Variants in ERICH4 observed in about 807,000 individuals in gnomAD.
ERICH4 encodes glutamate rich 4, also known as glutamate-rich protein 4.
A neutral mutation model predicts 5.2 loss-of-function variants in ERICH4; 4 were observed. The observed-to-expected ratio is 0.77, with a 90% CI of 0.38 to 1.76. The LOEUF is 1.76. Among genes scored for constraint, ERICH4 ranks in the 40% most tolerant of loss-of-function variants. The pLI, the probability that ERICH4 is intolerant of heterozygous loss-of-function variation, is 0.04. For synonymous variants in ERICH4, 75 were observed against 68.7 expected (o/e 1.09, Z -0.45); for missense variants, 164 against 159.8 (o/e 1.03, Z -0.14).
Position 41,444,140 on chromosome 19 carries a change from T to A in ERICH4, c.309T>A (p.Asp103Glu), listed in dbSNP as rs1555773568. 1 of 1,551,276 alleles carries A rather than the reference T, an allele frequency of 6.4e-7. No homozygotes were observed. Among genetic ancestry groups the A allele is most frequent in the South Asian group, 1.2e-5 (1 of 84,018 alleles). The change falls in exon 2 of 2, where the codon GAT (aspartate) becomes GAA (glutamate). Residue 103 changes from aspartate (D) to glutamate (E), a missense_variant. Transcript: ENST00000378187. ...AGAGCAGCAAGGAAGAGGAGGAGGA[T>A]CAAGAGCCCCAGAGGAAGCAGGAGG... The part of the protein sequence containing the change: ...EEESSKEEEE[D>E]QEPQRKQEEE...
In ERICH4 at chr19:41,443,242, A is replaced by C; in HGVS notation, c.73A>C (p.Arg25=). ...PGLGPPPQAL[R]EVSPVEIPGQ... ...GCTGGGCCCACCCCCCCAGGCCCTG[A>C]GGGAGGTCTCCCCAGTGGAAATCCC... Residue 25 remains arginine (R), a synonymous_variant, in exon 1 of 2, where the codon AGG becomes CGG. Transcript: ENST00000378187. 1 of 1,453,268 alleles carries C rather than the reference A, an allele frequency of 6.9e-7. No individual in the cohort carries two copies. The highest frequency in any genetic ancestry group is 2.9e-5 in the East Asian group (1 of 34,700). 90.0% of individuals were successfully genotyped at this position (1,453,268 alleles called of 1,614,324 possible).
At position 41,444,006 on chromosome 19, in the gene ERICH4, G is replaced by A; in HGVS notation, c.175G>A (p.Gly59Arg). 1 of 1,548,416 alleles carries A rather than the reference G, an allele frequency of 6.5e-7. No homozygotes were observed. Among genetic ancestry groups the A allele is most frequent in the Non-Finnish European group, 8.7e-7 (1 of 1,145,860 alleles). ...DSLLWIREEL[G>R]NLRRVDVQLL... ...TGTGACGTCCCCTTCCTACTGGCAG[G>A]GGAACCTGCGCCGAGTGGATGTCCA... The change falls in exon 2 of 2, where the codon GGG becomes AGG. Residue 59 changes from glycine to arginine, a missense_variant and splice_region_variant. By Grantham distance (125) the Gly-to-Arg change is moderately radical. Coordinates refer to ENST00000378187, the MANE Select transcript of ERICH4 (RefSeq NM_001130514.3).
chr19:41,444,222 T>C lies in ERICH4; in HGVS notation c.391T>C (p.Ter131ArgextTer12), dbSNP rs2040147438. ...PHPPDFEMMI* is the reference protein window; with the variant it reads ...PHPPDFEMMIR ...TCCACCTGACTTTGAGATGATGATC[T>C]GAGGCTCTGCCAGTGGATTTAGATT... The change falls in exon 2 of 2, where the codon TGA becomes CGA. Residue 131 changes from the stop codon to arginine (R), a stop_lost. Coordinates refer to ENST00000378187, the MANE Select transcript of ERICH4 (RefSeq NM_001130514.3). 1 of 1,552,132 alleles carries C rather than the reference T, an allele frequency of 6.4e-7. No homozygotes were observed. The highest frequency in any genetic ancestry group is 1.2e-5 in the South Asian group (1 of 84,072).
chr19:41,443,885 T>G, intron 1 of ERICH4, 121 bp from the exon 2 acceptor site: 1 of 679,190 alleles, frequency 1.5e-6, no homozygotes, highest in Non-Finnish European at 2.5e-6. Flanking sequence ...ATGGGCACAG[T>G]GAGGACCCTG....
chr19:41,443,211 T>C lies in ERICH4; in HGVS notation c.42T>C (p.Pro14=). 1.3e-6 allele frequency: 2 copies of C among 1,483,454 alleles called. No individual in the cohort carries two copies. Among genetic ancestry groups the C allele is most frequent in the Non-Finnish European group, 1.8e-6 (2 of 1,114,636 alleles). 91.9% of individuals were successfully genotyped at this position (1,483,454 alleles called of 1,614,324 possible). Residue 14 remains proline (P), a synonymous_variant, in exon 1 of 2, where the codon CCT becomes CCC. Transcript: ENST00000378187. The part of the protein sequence containing the change: ...WRQLNQAGLV[P]PGLGPPPQAL... The stretch of plus-strand genomic sequence containing the variant: ...AGCTGAATCAGGCTGGACTGGTGCC[T>C]CCGGGGCTGGGCCCACCCCCCCAGG...
rs1411230178 is a variant in ERICH4 at position 41,444,170 on chromosome 19, A to G, written c.339A>G (p.Glu113=). ...DQEPQRKQEE[E]HLEACPAPHP... ...AGCCCCAGAGGAAGCAGGAGGAGGA[A>G]CACCTGGAGGCCTGCCCAGCCCCAC... Residue 113 remains glutamate (E), a synonymous_variant, in exon 2 of 2, where the codon GAA becomes GAG. Transcript: ENST00000378187. 4.4e-5 allele frequency: 68 copies of G among 1,552,214 alleles called. No individual in the cohort carries two copies. The highest frequency in any genetic ancestry group is 5.9e-5 in the Non-Finnish European group (68 of 1,147,104).
Position 41,443,250 on chromosome 19 carries a change from C to T in ERICH4, c.81C>T (p.Val27=). Residue 27 remains valine, a synonymous_variant, in exon 1 of 2, where the codon GTC becomes GTT. Coordinates refer to ENST00000378187, the MANE Select transcript of ERICH4 (RefSeq NM_001130514.3). The stretch of plus-strand genomic sequence containing the variant: ...CACCCCCCCAGGCCCTGAGGGAGGT[C>T]TCCCCAGTGGAAATCCCTGGTCAGA... The part of the protein sequence containing the change: ...LGPPPQALRE[V]SPVEIPGQTL... 1 of 1,441,116 alleles carries T rather than the reference C, an allele frequency of 6.9e-7. No homozygotes were observed. The highest frequency in any genetic ancestry group is 9.2e-7 in the Non-Finnish European group (1 of 1,091,782). 89.3% of individuals were successfully genotyped at this position (1,441,116 alleles called of 1,614,324 possible). A position where few individuals can be genotyped will look rare whatever the true frequency, so the allele number is the denominator to read the frequency against.
rs2040147883 is a variant in ERICH4 at position 41,444,269 on chromosome 19, T to C, written c.*45T>C. 1.3e-6 allele frequency: 2 copies of C among 1,547,044 alleles called. No homozygotes were observed. The highest frequency in any genetic ancestry group is 1.8e-6 in the Non-Finnish European group (2 of 1,142,760). On this transcript the variant is annotated 3_prime_UTR_variant, in exon 2 of 2. Transcript: ENST00000378187. ...GATTGACATACAAATGAGATGCAAA[T>C]GTATGTAAAGGAGAAGGGAGATTTG...
Position 41,444,568 on chromosome 19 carries a change from AC to A in ERICH4, c.*346del, listed in dbSNP as rs139158891. ...ATCAACGCTGTCCAGTATGGTAGCC[AC>A]CGGACACACATGGTTATTTAGTGCT... On this transcript the variant is annotated 3_prime_UTR_variant, in exon 2 of 2. Transcript: ENST00000378187. 0.052 allele frequency: 17,133 copies of A among 329,794 alleles called. 974 individuals carry two copies. The highest frequency in any genetic ancestry group is 0.19 in the African/African-American group (8,910 of 46,490). The allele number at this position is 329,794 out of a possible 1,614,324, so 20.4% of individuals were successfully genotyped here. A position where few individuals can be genotyped will look rare whatever the true frequency, so the allele number is the denominator to read the frequency against.
rs2040130932 is a variant in ERICH4 at position 41,443,184 on chromosome 19, G to C, written c.15G>C (p.Arg5Ser). 1 of 1,478,878 alleles carries C rather than the reference G, an allele frequency of 6.8e-7. No individual in the cohort carries two copies. The highest frequency in any genetic ancestry group is 1.5e-5 in the African/African-American group (1 of 68,814). 91.6% of individuals were successfully genotyped at this position (1,478,878 alleles called of 1,614,324 possible). A position where few individuals can be genotyped will look rare whatever the true frequency, so the allele number is the denominator to read the frequency against. The change falls in exon 1 of 2, where the codon AGG becomes AGC. Residue 5 changes from arginine (R) to serine (S), a missense_variant. Arg to Ser is a moderately radical substitution (Grantham distance 110). Transcript: ENST00000378187. ...GCTCAGAGACGATGGAACTGTGGAG[G>C]CAGCTGAATCAGGCTGGACTGGTGC... MELW[R>S]QLNQAGLVPP...
rs1555773515 is a variant in ERICH4, at chr19:41,443,990, C to A, written c.175-16C>A. 1.3e-6 allele frequency: 2 copies of A among 1,545,112 alleles called. No individual in the cohort carries two copies. Among genetic ancestry groups the A allele is most frequent in the Non-Finnish European group, 1.7e-6 (2 of 1,143,402 alleles). On this transcript the variant is annotated splice_polypyrimidine_tract_variant and intron_variant, in intron 1 of 1. Coordinates refer to ENST00000378187, the MANE Select transcript of ERICH4 (RefSeq NM_001130514.3). ...TCTGGGGTGGCATCCCTGTGACGTC[C>A]CCTTCCTACTGGCAGGGGAACCTGC...
rs1326637930 is a variant in ERICH4, at chr19:41,444,338, T to C, written c.*114T>C. On this transcript the variant is annotated 3_prime_UTR_variant, in exon 2 of 2. Coordinates refer to ENST00000378187, the MANE Select transcript of ERICH4 (RefSeq NM_001130514.3). ...GAATCAAGTATACCCCTTTAGTAAG[T>C]GCTTTCTCTGAAGGTGCCTGCAATG... is the stretch of plus-strand genomic sequence containing the variant. 7 of 1,146,130 alleles carry C rather than the reference T, an allele frequency of 6.1e-6. No homozygotes were observed. The highest frequency in any genetic ancestry group is 8.8e-6 in the Non-Finnish European group (7 of 793,710). 71.0% of individuals were successfully genotyped at this position (1,146,130 alleles called of 1,614,324 possible). A position where few individuals can be genotyped will look rare whatever the true frequency, so the allele number is the denominator to read the frequency against.
In ERICH4 at chr19:41,444,187, C is replaced by T. The variant is rs2040146935; in HGVS notation, c.356C>T (p.Pro119Leu). The T allele has an allele frequency of 1.3e-6, 2 of 1,552,114 alleles. No individual in the cohort carries two copies. Among genetic ancestry groups the T allele is most frequent in the Admixed American group, 3.9e-5 (2 of 50,988 alleles). ...KQEEEHLEACPAPHPPDFEMM... is the reference protein window; with the variant it reads ...KQEEEHLEACLAPHPPDFEMM... ...GAGGAGGAACACCTGGAGGCCTGCC[C>T]AGCCCCACATCCACCTGACTTTGAG... Residue 119 changes from proline (P) to leucine (L), a missense_variant, in exon 2 of 2, where the codon CCA becomes CTA. Pro to Leu is a moderately conservative substitution (Grantham distance 98, BLOSUM62 -3). Coordinates refer to ENST00000378187, the MANE Select transcript of ERICH4 (RefSeq NM_001130514.3).
Position 41,443,300 on chromosome 19 carries a change from CTGGAGGTG to C in ERICH4, c.132_139del (p.Gly45LeufsTer3). 7.5e-7 allele frequency: 1 copy of C among 1,336,130 alleles called. No homozygotes were observed. The highest frequency in any genetic ancestry group is 9.7e-7 in the Non-Finnish European group (1 of 1,032,310). The allele number at this position is 1,336,130 out of a possible 1,614,324, so 82.8% of individuals were successfully genotyped here. A position where few individuals can be genotyped will look rare whatever the true frequency, so the allele number is the denominator to read the frequency against. Reference sequence around the variant, plus strand: ...ACCCTCAGGACTGCAGGGGCAGACACTGGAGGTGCCTGCGATAGTCTGCTGTGGATCAG... The same window carrying C: ...ACCCTCAGGACTGCAGGGGCAGACACCCTGCGATAGTCTGCTGTGGATCAG... On this transcript the variant is annotated frameshift_variant, in exon 1 of 2. Coordinates refer to ENST00000378187, the MANE Select transcript of ERICH4 (RefSeq NM_001130514.3). LOFTEE classifies it low-confidence loss of function (END_TRUNC).
chr19:41,443,961 G>C (rs1442073418), intron 1 of ERICH4, 45 bp from the exon 2 acceptor site: 9 of 1,481,910 alleles, frequency 6.1e-6, no homozygotes, highest in African/African-American at 1.4e-5. Context: ...GAGACCCCTT[G>C]CTCTCTGGGG....
At position 41,444,277 on chromosome 19, in the gene ERICH4, AAGG is replaced by A. The variant is rs2040148005; in HGVS notation, c.*56_*58del. ...TACAAATGAGATGCAAATGTATGTAAAGGAGAAGGGAGATTTGCAGGTCAAAGC... is the reference window on the plus strand; with the variant it reads ...TACAAATGAGATGCAAATGTATGTAAAGAAGGGAGATTTGCAGGTCAAAGC... On this transcript the variant is annotated 3_prime_UTR_variant, in exon 2 of 2. Coordinates refer to ENST00000378187, the MANE Select transcript of ERICH4 (RefSeq NM_001130514.3). 1 of 1,539,290 alleles carries A rather than the reference AAGG, an allele frequency of 6.5e-7. No homozygotes were observed. Among genetic ancestry groups the A allele is most frequent in the Admixed American group, 2.0e-5 (1 of 50,944 alleles).
At chr19:41,443,444 G>C (rs1388905752) in intron 1 of ERICH4, 101 bp downstream of exon 1, 5 of 1,039,206 alleles carry the variant, frequency 4.8e-6, no homozygotes, top group Middle Eastern at 3.0e-4. Context: ...CAGAATCTGA[G>C]AGATAGAAGC....
At chr19:41,443,858 G>T (rs1319582155) in intron 1 of ERICH4, 148 bp from the exon 2 acceptor site, 1 of 605,904 alleles carries the variant, frequency 1.7e-6, no homozygotes, top group Admixed American at 3.0e-5. Context: ...TGAGAAGCAG[G>T]AAGGCAGTTA....
intron 1 of ERICH4, among the ~76,000 whole-genome samples, chr19:41,443,680 C>T (rs1179451944): frequency 6.6e-6 from 1 of 151,378 alleles, no homozygotes; most frequent in Non-Finnish European, 1.5e-5. Context: ...GAAATGGCAA[C>T]ACATAAAGAC....
Sources: allele counts gnomAD v4.1 joint callset (sites outside exome capture counted in the v4.1 genomes callset), GRCh38; gene constraint gnomAD v4.1.1; transcripts MANE v1.5; gene names NCBI Gene and HGNC (gene_info 2026-07-23, HGNC 2026-07-21).